DAB1: variants seen among roughly 807,000 people sequenced by gnomAD.
DAB1 encodes the protein DAB adaptor protein 1, also known as disabled homolog 1.
Under a neutral mutation model 64.6 loss-of-function variants are expected in DAB1, and 15 were observed. The ratio of observed to expected loss-of-function variants is 0.23; its 90% CI spans 0.16 to 0.36. The LOEUF (loss-of-function observed/expected upper bound fraction) is 0.36. Ranked by LOEUF, DAB1 falls within the 10% of genes least tolerant of loss-of-function variation. The pLI, the probability that DAB1 is intolerant of heterozygous loss-of-function variation, is 1.00. For missense variants in DAB1, 596 were observed against 706.7 expected (o/e 0.84, Z 1.78); for synonymous variants, 235 against 251.9 (o/e 0.93, Z 0.64).
chr1:57,690,619 C>A (rs752545204), intron 6 of DAB1, among the ~76,000 whole-genome samples: 13 of 152,088 alleles, frequency 8.5e-5, no homozygotes, highest in Non-Finnish European at 1.6e-4. Context: ...TCAGGTATTT[C>A]TTTATAGCAG....
chr1:57,182,463 C>G (rs1663076980), intron 2 of DAB1, among the ~76,000 whole-genome samples: 1 of 152,148 alleles, frequency 6.6e-6, no homozygotes, highest in Non-Finnish European at 1.5e-5. Context: ...CCCACAACTG[C>G]CTGTGCACTC....
intron 4 of DAB1, among the ~76,000 whole-genome samples, chr1:58,189,726 C>T (rs1040896320): frequency 4.6e-5 from 7 of 152,216 alleles, no homozygotes; most frequent in African/African-American, 1.7e-4. Context: ...ACGGACTTGG[C>T]AACATGTATT....
intron 8 of DAB1, among the ~76,000 whole-genome samples, chr1:57,064,112 C>T (rs551470608): frequency 7.9e-5 from 12 of 152,192 alleles, no homozygotes; most frequent in African/African-American, 2.9e-4. Context: ...GGAAAAGTAT[C>T]TTTTGGGCTT....
chr1:57,678,056 A>G (rs1490832538), intron 6 of DAB1, among the ~76,000 whole-genome samples: 1 of 152,184 alleles, frequency 6.6e-6, no homozygotes, highest in Non-Finnish European at 1.5e-5. Flanking sequence ...TTTGGAGTTC[A>G]AAAAGCTTCC....
intron 4 of DAB1, among the ~76,000 whole-genome samples, chr1:57,109,624 C>T (rs201183261): frequency 6.6e-6 from 1 of 152,152 alleles, no homozygotes; most frequent in East Asian, 1.9e-4. Context: ...TTTGTAAATG[C>T]TAGCTAATAT....
chr1:57,072,283 C>A lies in DAB1; in HGVS notation c.438G>T (p.Ala146=), dbSNP rs887789978. Residue 146 remains alanine (A), a splice_region_variant and synonymous_variant, in exon 5 of 15, where the codon GCG becomes GCT. Coordinates refer to ENST00000371236, the MANE Select transcript of DAB1 (RefSeq NM_001365792.1). ...TCCCTTCTTGGATAGGGATACTCAC[C>A]GCCTGGGCTGTTTTTATGGCCACAA... ...HRFVAIKTAQ[A]AEPVILDLRD... 6.2e-7 allele frequency: 1 copy of A among 1,613,342 alleles called. No individual in the cohort carries two copies. The highest frequency in any genetic ancestry group is 8.5e-7 in the Non-Finnish European group (1 of 1,179,514).
intron 1 of DAB1, chr1:57,876,677 G>C (rs1462105190): frequency 6.6e-6 from 1 of 152,062 alleles, no homozygotes; most frequent in Non-Finnish European, 1.5e-5. Context: ...CTATTATTTT[G>C]CTTGGATATT....
intron 7 of DAB1, among the ~76,000 whole-genome samples, chr1:57,564,964 C>T (rs1286273017): frequency 2.0e-5 from 3 of 152,028 alleles, no homozygotes; most frequent in Non-Finnish European, 2.9e-5. Context: ...CTCCAAGACA[C>T]ATAATTGTCA....
intron 4 of DAB1, among the ~76,000 whole-genome samples, chr1:57,125,210 T>A (rs1308049311): frequency 6.6e-6 from 1 of 152,124 alleles, no homozygotes; most frequent in East Asian, 1.9e-4. Flanking sequence ...TACACAGGCA[T>A]CAAAATTTGG....
chr1:57,339,161 A>AT (rs34369901), intron 1 of DAB1, among the ~76,000 whole-genome samples: 3,088 of 140,526 alleles, frequency 0.022, 44 homozygotes, highest in South Asian at 0.054. Context: ...ATTAATTATT[A>AT]TTTTTTTTTT....
At chr1:57,548,829 T>A (rs1644883614) in intron 7 of DAB1, among the ~76,000 whole-genome samples, 1 of 150,500 alleles carries the variant, frequency 6.6e-6, no homozygotes, top group Non-Finnish European at 1.5e-5. Context: ...CCACAGTAAC[T>A]AACATTAACA....
intron 7 of DAB1, among the ~76,000 whole-genome samples, chr1:57,601,409 C>T (rs528557727): frequency 6.6e-6 from 1 of 152,064 alleles, no homozygotes; most frequent in African/African-American, 2.4e-5. Flanking sequence ...CCCCTTTCTA[C>T]TAAAAATACA....
chr1:57,286,034 A>G (rs762536473), intron 2 of DAB1, among the ~76,000 whole-genome samples: 1 of 152,202 alleles, frequency 6.6e-6, no homozygotes, highest in Non-Finnish European at 1.5e-5. Context: ...CAGTGACACA[A>G]TCCAATAAAA....
intron 1 of DAB1, among the ~76,000 whole-genome samples, chr1:57,344,801 G>C (rs1268217843): frequency 6.6e-6 from 1 of 152,132 alleles, no homozygotes; most frequent in Non-Finnish European, 1.5e-5. Context: ...GCATGGCCTA[G>C]AGTGAGTTAC....
At chr1:57,027,372 C>T (rs984743605) in intron 9 of DAB1, among the ~76,000 whole-genome samples, 2 of 152,218 alleles carry the variant, frequency 1.3e-5, no homozygotes, top group Non-Finnish European at 2.9e-5. Context: ...TCCAGCACAA[C>T]CCTATAAAAC....
chr1:57,017,542 C>T (rs1416401372), intron 11 of DAB1, among the ~76,000 whole-genome samples: 1 of 152,198 alleles, frequency 6.6e-6, no homozygotes, highest in Non-Finnish European at 1.5e-5. Context: ...GGTCATTTTC[C>T]TCGCAAGGTG....
chr1:58,396,157 C>T (rs763790548), intron 3 of DAB1, among the ~76,000 whole-genome samples: 1 of 151,674 alleles, frequency 6.6e-6, no homozygotes, highest in Non-Finnish European at 1.5e-5. Context: ...AAATGAGGCA[C>T]CCCCAGGTCA....
chr1:57,233,660 GA>G, intron 2 of DAB1, among the ~76,000 whole-genome samples: 1 of 151,704 alleles, frequency 6.6e-6, no homozygotes, highest in Middle Eastern at 3.4e-3. Flanking sequence ...TCAGGAGGCT[GA>G]GGCAGGGGAA....
chr1:57,105,593 A>G (rs1557729426), intron 4 of DAB1, among the ~76,000 whole-genome samples: 1 of 152,172 alleles, frequency 6.6e-6, no homozygotes, highest in Non-Finnish European at 1.5e-5. Context: ...TTCAACTCAC[A>G]CATTTTAATA....
Sources: allele counts gnomAD v4.1 joint callset (sites outside exome capture counted in the v4.1 genomes callset), GRCh38; gene constraint gnomAD v4.1.1; transcripts MANE v1.5; gene names NCBI Gene and HGNC (gene_info 2026-07-23, HGNC 2026-07-21).